Variants in PRKCD observed in about 807,000 individuals in gnomAD.
PRKCD encodes the protein protein kinase C delta.
Under a neutral mutation model 82.2 loss-of-function variants are expected in PRKCD, and 20 were observed. The observed-to-expected ratio is 0.24, with a 90% CI of 0.17 to 0.35. PRKCD has a LOEUF of 0.35. Among genes scored for constraint, PRKCD ranks in the 10% least tolerant of loss-of-function variants. The probability of loss-of-function intolerance (pLI) is 1.00; values close to 1 mark genes in which losing one functional copy is unlikely to be tolerated. For missense variants in PRKCD, 607 were observed against 899.0 expected, an observed-to-expected ratio of 0.68 and a Z score of 4.15; for synonymous variants, 317 against 337.0, an observed-to-expected ratio of 0.94 and a Z score of 0.65.
At chr3:53,170,469 C>T (rs1215481406) in intron 2 of PRKCD, among the ~76,000 whole-genome samples, 6 of 152,254 alleles carry the variant, frequency 3.9e-5, no homozygotes, top group Non-Finnish European at 5.9e-5. Context: ...CTGTGACTGC[C>T]ACCTGTGACC....
At chr3:53,172,440 T>C (rs943522055) in intron 2 of PRKCD, among the ~76,000 whole-genome samples, 2 of 152,198 alleles carry the variant, frequency 1.3e-5, no homozygotes, top group Non-Finnish European at 2.9e-5. Flanking sequence ...CCTCTCACTG[T>C]CCTTTCTGCC....
Position 53,189,225 on chromosome 3 carries a change from G to A in PRKCD, c.1722G>A (p.Glu574=). ...ATTATCCCCGCTGGATCACCAAGGA[G>A]TCCAAGGACATCCTGGAGAAGGTGG... ...TPHYPRWITK[E]SKDILEKLFE... is the part of the protein sequence containing the mutation. Residue 574 remains glutamate, a synonymous_variant, in exon 17 of 19, where the codon GAG becomes GAA. Transcript: ENST00000330452. 6.2e-7 allele frequency: 1 copy of A among 1,608,384 alleles called. No individual in the cohort carries two copies. The highest frequency in any genetic ancestry group is 8.5e-7 in the Non-Finnish European group (1 of 1,176,832).
chr3:53,189,965 A>G lies in PRKCD; in HGVS notation c.1836A>G (p.Glu612=). The change falls in exon 18 of 19, where the codon GAA becomes GAG. Residue 612 remains glutamate, a synonymous_variant. Transcript: ENST00000330452. ...AGACCATAAACTGGACTCTGCTGGA[A>G]AAGCGGAGGTTGGAGCCACCTTTCA... ...FFKTINWTLL[E]KRRLEPPFRP... is the part of the protein sequence containing the mutation. 1 of 1,614,202 alleles carries G rather than the reference A, an allele frequency of 6.2e-7. No individual in the cohort carries two copies. Among genetic ancestry groups the G allele is most frequent in the Non-Finnish European group, 8.5e-7 (1 of 1,180,024 alleles).
chr3:53,175,950 C>T (rs905982964), intron 2 of PRKCD, among the ~76,000 whole-genome samples: 5 of 152,204 alleles, frequency 3.3e-5, no homozygotes, highest in African/African-American at 4.8e-5. Context: ...GCCAGGCCCA[C>T]GCAGCTTGCT....
rs532004109 is a variant in PRKCD at position 53,181,948 on chromosome 3, A to C, written c.571+216A>C. ...CGCATCTCTTCCCAGCTCCGCATTC[A>C]GTGACGGGGAGTTGGTGGATGGCAA... On this transcript the variant is annotated intron_variant, in intron 7 of 18. Transcript: ENST00000330452. 5 of 742,758 alleles carry C rather than the reference A, an allele frequency of 6.7e-6. No individual in the cohort carries two copies. In the African/African-American group the frequency reaches 8.6e-5, roughly 13 times the overall value. The allele number at this position is 742,758 out of a possible 1,614,324, so 46.0% of individuals were successfully genotyped here.
chr3:53,186,544 C>T (rs904406454), intron 13 of PRKCD, 60 bp from the exon 14 acceptor site: 33 of 1,500,048 alleles, frequency 2.2e-5, no homozygotes, highest in Non-Finnish European at 2.9e-5. Flanking sequence ...CCCCAGTGGC[C>T]CTCAGTGAGG....
chr3:53,187,406 C>T lies in PRKCD; in HGVS notation c.1415+4C>T, dbSNP rs781987367. 9.9e-6 allele frequency: 16 copies of T among 1,613,862 alleles called. No individual in the cohort carries two copies. The highest frequency in any genetic ancestry group is 3.3e-5 in the Admixed American group (2 of 60,004). ...ACAGCAAGGGCATCATTTACAGGTG[C>T]GGGGGTGAGGGCAGCGGGGGCTCTT... On this transcript the variant is annotated splice_donor_region_variant and intron_variant, in intron 15 of 18. Coordinates refer to ENST00000330452, the MANE Select transcript of PRKCD (RefSeq NM_006254.4).
At chr3:53,165,590 A>G (rs1322774547) in intron 2 of PRKCD, among the ~76,000 whole-genome samples, 3 of 152,116 alleles carry the variant, frequency 2.0e-5, no homozygotes, top group African/African-American at 7.2e-5. Context: ...ATCTGCCTCA[A>G]ACTCACCTCA....
In PRKCD at chr3:53,179,834, A is replaced by G. The variant is rs1315955245; in HGVS notation, c.315+58A>G. ...TGTGTGTGTGTCTGTGTGTGTGTGC[A>G]TGCGTGCATGTGTGTGCGTGCACAC... On this transcript the variant is annotated intron_variant, in intron 4 of 18. Transcript: ENST00000330452. 3.3e-6 allele frequency: 5 copies of G among 1,531,384 alleles called. No individual in the cohort carries two copies. In the East Asian group the frequency reaches 9.8e-5, roughly 30 times the overall value. The allele number at this position is 1,531,384 out of a possible 1,614,324, so 94.9% of individuals were successfully genotyped here.
At position 53,189,220 on chromosome 3, in the gene PRKCD, A is replaced by G; in HGVS notation, c.1717A>G (p.Lys573Glu). The G allele has an allele frequency of 6.2e-7, 1 of 1,613,190 alleles. No individual in the cohort carries two copies. Among genetic ancestry groups the G allele is most frequent in the African/African-American group, 1.3e-5 (1 of 75,022 alleles). The stretch of plus-strand genomic sequence containing the variant: ...GCCACATTATCCCCGCTGGATCACC[A>G]AGGAGTCCAAGGACATCCTGGAGAA... Reference protein sequence around the residue: ...DTPHYPRWITKESKDILEKLF... With the variant: ...DTPHYPRWITEESKDILEKLF... The change falls in exon 17 of 19, where the codon AAG (lysine) becomes GAG (glutamate). Residue 573 changes from lysine to glutamate, a missense_variant. Transcript: ENST00000330452.
At position 53,192,189 on chromosome 3, in the gene PRKCD, A is replaced by G. The variant is rs974024636; in HGVS notation, c.1954A>G (p.Ile652Val). 1.2e-6 allele frequency: 2 copies of G among 1,613,614 alleles called. No individual in the cohort carries two copies. Among genetic ancestry groups the G allele is most frequent in the African/African-American group, 2.7e-5 (2 of 74,984 alleles). ...CCTCTCCTACAGCGACAAGAACCTCATCGACTCCATGGACCAGTCTGCATT... is the reference window on the plus strand; with the variant it reads ...CCTCTCCTACAGCGACAAGAACCTCGTCGACTCCATGGACCAGTCTGCATT... ...ARLSYSDKNL[I>V]DSMDQSAFAG... Residue 652 changes from isoleucine to valine, a missense_variant, in exon 19 of 19, where the codon ATC (isoleucine) becomes GTC (valine). Ile to Val is a conservative substitution (Grantham distance 29). This residue lies in a region of PRKCD where 251 missense variants were observed against 423.9 expected (regional missense o/e 0.59). Transcript: ENST00000330452.
rs190728231 is a variant in PRKCD, at chr3:53,175,989, C to T, written c.-19-2415C>T. Among the ~76,000 whole-genome samples, 5 of 152,348 alleles carry T rather than the reference C, an allele frequency of 3.3e-5. No individual in the cohort carries two copies. The East Asian group carries it at 7.7e-4, about 24-fold the overall frequency. On this transcript the variant is annotated intron_variant, in intron 2 of 18. Coordinates refer to ENST00000330452, the MANE Select transcript of PRKCD (RefSeq NM_006254.4). ...CACTCCAGTATCAACTGAGTGCCCA[C>T]CATGTGCCACCCACTCCCATGGCTG...
intron 2 of PRKCD, among the ~76,000 whole-genome samples, 170 bp from the exon 3 acceptor site, chr3:53,178,234 G>A (rs1703284363): frequency 6.6e-6 from 1 of 152,146 alleles, no homozygotes; most frequent in Non-Finnish European, 1.5e-5. Context: ...CACTGCGCCT[G>A]GCAAACCTCT....
chr3:53,172,941 A>C (rs1703088820), intron 2 of PRKCD, among the ~76,000 whole-genome samples: 1 of 152,166 alleles, frequency 6.6e-6, no homozygotes, highest in Admixed American at 6.5e-5. Context: ...ACCAGGCCGG[A>C]TCTGGGAGCC....
In PRKCD at chr3:53,161,258, T is replaced by TCTCCCGAGCGA. The variant is rs1553662862; in HGVS notation, c.-300_-290dup. On this transcript the variant is annotated 5_prime_UTR_variant, in exon 1 of 19. Coordinates refer to ENST00000330452, the MANE Select transcript of PRKCD (RefSeq NM_006254.4). ...GAGCCCGAGGCGGCTGTAGCCCACATCTCCCGAGCGACCCCCGGCGCCCGC... is the reference window on the plus strand; with the variant it reads ...GAGCCCGAGGCGGCTGTAGCCCACATCTCCCGAGCGACTCCCGAGCGACCCCCGGCGCCCGC... The TCTCCCGAGCGA allele has an allele frequency of 1.4e-5, 2 of 148,112 alleles. No individual in the cohort carries two copies. Among genetic ancestry groups the TCTCCCGAGCGA allele is most frequent in the East Asian group, 4.1e-4 (2 of 4,932 alleles). The allele number at this position is 148,112 out of a possible 1,614,324, so 9.2% of individuals were successfully genotyped here.
Position 53,189,988 on chromosome 3 carries a change from T to A in PRKCD, c.1859T>A (p.Phe620Tyr). ...GAAAAGCGGAGGTTGGAGCCACCTTTCAGGCCCAAAGTGGTATGTGATCCT... is the reference window on the plus strand; with the variant it reads ...GAAAAGCGGAGGTTGGAGCCACCTTACAGGCCCAAAGTGGTATGTGATCCT... ...LLEKRRLEPP[F>Y]RPKVKSPRDY... Residue 620 changes from phenylalanine (F) to tyrosine (Y), a missense_variant, in exon 18 of 19, where the codon TTC (phenylalanine) becomes TAC (tyrosine). By Grantham distance (22) the Phe-to-Tyr change is conservative. Transcript: ENST00000330452. 2 of 1,613,970 alleles carry A rather than the reference T, an allele frequency of 1.2e-6. No individual in the cohort carries two copies. Among genetic ancestry groups the A allele is most frequent in the Non-Finnish European group, 1.7e-6 (2 of 1,179,910 alleles).
intron 1 of PRKCD, among the ~76,000 whole-genome samples, chr3:53,162,986 G>A (rs552199560): frequency 9.1e-4 from 138 of 152,228 alleles, no homozygotes; most frequent in African/African-American, 3.1e-3. Flanking sequence ...ACTGATCCCT[G>A]GGGTTTCCTC....
intron 9 of PRKCD, among the ~76,000 whole-genome samples, chr3:53,184,019 G>A (rs534380537): frequency 1.6e-3 from 249 of 152,280 alleles, no homozygotes; most frequent in African/African-American, 5.8e-3. Flanking sequence ...CTGTCTTCTG[G>A]TTTTTCCTTT....
chr3:53,174,162 G>C (rs1304995709), intron 2 of PRKCD, among the ~76,000 whole-genome samples: 1 of 152,244 alleles, frequency 6.6e-6, no homozygotes, highest in East Asian at 1.9e-4. Flanking sequence ...TGTAATTACA[G>C]AGGTAATCTG....
Sources: allele counts gnomAD v4.1 joint callset (sites outside exome capture counted in the v4.1 genomes callset), GRCh38; gene constraint gnomAD v4.1.1; regional missense constraint gnomAD v4.1.1; transcripts MANE v1.5; gene names NCBI Gene and HGNC (gene_info 2026-07-23, HGNC 2026-07-21).